The following CAV1 variants were observed in gnomAD, a reference collection of about 807,000 sequenced individuals.
CAV1 encodes the protein caveolin 1.
In CAV1, 10 loss-of-function variants were observed where a neutral mutation model predicts 16.5. That is an observed-to-expected ratio of 0.61 (90% CI 0.37 to 1.03). The LOEUF (loss-of-function observed/expected upper bound fraction) is 1.03. CAV1 is among the 50% of genes least tolerant of loss of function. CAV1 has a pLI of 0.01. For missense variants in CAV1, 212 were observed against 232.8 expected (o/e 0.91, Z 0.58); for synonymous variants, 76 against 85.1 (o/e 0.89, Z 0.59).
intron 2 of CAV1, among the ~76,000 whole-genome samples, chr7:116,529,954 A>G (rs573016927): frequency 6.6e-6 from 1 of 152,004 alleles, no homozygotes; most frequent in Non-Finnish European, 1.5e-5. Flanking sequence ...ACTTATTTTG[A>G]TTTTCTAGAT....
intron 2 of CAV1, among the ~76,000 whole-genome samples, chr7:116,548,749 T>C (rs1197776194): frequency 1.3e-5 from 2 of 152,124 alleles, no homozygotes; most frequent in Admixed American, 6.5e-5. Context: ...CAATCACTGA[T>C]TACAACCTCC....
chr7:116,525,025 G>A (rs369830110), upstream of CAV1: 56 of 1,613,854 alleles, frequency 3.5e-5, no homozygotes, highest in African/African-American at 6.1e-4. Flanking sequence ...ACAGCCCAGG[G>A]AAACCTCCTC....
intron 2 of CAV1, among the ~76,000 whole-genome samples, chr7:116,548,360 A>G (rs1238056559): frequency 6.6e-6 from 1 of 152,252 alleles, no homozygotes; most frequent in Non-Finnish European, 1.5e-5. Flanking sequence ...CTGGTAGCCA[A>G]TGGTCAGTCA....
chr7:116,529,745 A>T (rs1180572180), intron 2 of CAV1, among the ~76,000 whole-genome samples: 1 of 152,198 alleles, frequency 6.6e-6, no homozygotes, highest in Non-Finnish European at 1.5e-5. Flanking sequence ...TTAATTTCTC[A>T]TCTTACTAAA....
intron 2 of CAV1, among the ~76,000 whole-genome samples, chr7:116,551,427 G>A (rs1468731736): frequency 2.0e-5 from 3 of 152,126 alleles, no homozygotes; most frequent in African/African-American, 7.2e-5. Flanking sequence ...ATTCTGTTTG[G>A]TATGAATTCT....
intron 2 of CAV1, among the ~76,000 whole-genome samples, chr7:116,529,727 C>T (rs1025192157): frequency 2.6e-5 from 4 of 152,164 alleles, no homozygotes; most frequent in Non-Finnish European, 5.9e-5. Context: ...AATCCAGTTC[C>T]AATAAAATTA....
chr7:116,536,897 G>A (rs1793828379), intron 2 of CAV1, among the ~76,000 whole-genome samples: 2 of 151,484 alleles, frequency 1.3e-5, no homozygotes, highest in South Asian at 2.1e-4. Context: ...CAGCTACTCG[G>A]GAGGCTGAGG....
At chr7:116,542,991 A>G (rs1361363208) in intron 2 of CAV1, 1 of 152,198 alleles carries the variant, frequency 6.6e-6, no homozygotes, top group Non-Finnish European at 1.5e-5. Context: ...AAGAGACCTT[A>G]GGTTACTGAG....
intron 2 of CAV1, among the ~76,000 whole-genome samples, chr7:116,556,544 A>G (rs959077724): frequency 6.6e-6 from 1 of 152,156 alleles, no homozygotes. Context: ...CATTTTTTCT[A>G]TAAAGTGAGA....
intron 2 of CAV1, chr7:116,552,015 C>G (rs2109516): frequency 0.2 from 29,846 of 152,586 alleles, 3,443 homozygotes; most frequent in African/African-American, 0.31. Context: ...GAAAGGCAAG[C>G]AAGGTGAATG....
intron 2 of CAV1, among the ~76,000 whole-genome samples, chr7:116,536,609 G>T (rs1286876687): frequency 6.6e-6 from 1 of 152,194 alleles, no homozygotes; most frequent in African/African-American, 2.4e-5. Flanking sequence ...CAGAGCCAGG[G>T]ATACTAGCAG....
At chr7:116,555,542 GAGAA>G (rs1225761657) in intron 2 of CAV1, among the ~76,000 whole-genome samples, 209 of 12,130 alleles carry the variant, frequency 0.017, 19 homozygotes, top group Non-Finnish European at 0.023. Context: ...GAGAGAGAGA[GAGAA>G]AGAAAGAAAG....
chr7:116,526,555 C>G lies in CAV1; in HGVS notation c.61C>G (p.Gln21Glu), dbSNP rs1219124459. 5.0e-6 allele frequency: 8 copies of G among 1,614,046 alleles called. No individual in the cohort carries two copies. The highest frequency in any genetic ancestry group is 2.7e-5 in the African/African-American group (2 of 74,934). ...TCTCTACACCGTTCCCATCCGGGAA[C>G]AGGGCAACATCTACAAGCCCAACAA... ...GHLYTVPIRE[Q>E]GNIYKPNNKA... Residue 21 changes from glutamine to glutamate, a missense_variant, in exon 2 of 3, where the codon CAG (glutamine) becomes GAG (glutamate). Physicochemically the swap from Gln to Glu is conservative, Grantham distance 29. Coordinates refer to ENST00000341049, the MANE Select transcript of CAV1 (RefSeq NM_001753.5).
chr7:116,541,034 G>C (rs757672542), intron 2 of CAV1, among the ~76,000 whole-genome samples: 10 of 152,264 alleles, frequency 6.6e-5, no homozygotes, highest in Non-Finnish European at 1.5e-4. Context: ...CTCAAACTAG[G>C]TCTGTCAATT....
At chr7:116,537,187 C>G (rs1010411260) in intron 2 of CAV1, among the ~76,000 whole-genome samples, 3 of 152,140 alleles carry the variant, frequency 2.0e-5, no homozygotes, top group Non-Finnish European at 4.4e-5. Flanking sequence ...ATTTAAATAA[C>G]TTCTGAGGGT....
chr7:116,534,374 TATATATATATATA>T (rs1562829859), intron 2 of CAV1, among the ~76,000 whole-genome samples: 1 of 14,890 alleles, frequency 6.7e-5, no homozygotes, highest in South Asian at 4.9e-3. Flanking sequence ...TATATATATA[TATATATATATATA>T]TATATATATT....
At chr7:116,547,925 T>C (rs2052105) in intron 2 of CAV1, among the ~76,000 whole-genome samples, 11,041 of 152,268 alleles carry the variant, frequency 0.073, 657 homozygotes, top group East Asian at 0.21. Flanking sequence ...ATAACCCTGA[T>C]GAGCAGAGAT....
chr7:116,543,459 G>A (rs892663549), intron 2 of CAV1, among the ~76,000 whole-genome samples: 2 of 152,204 alleles, frequency 1.3e-5, no homozygotes, highest in Admixed American at 6.5e-5. Context: ...TACTGAAGAA[G>A]ATCAAGAGTT....
intron 2 of CAV1, among the ~76,000 whole-genome samples, chr7:116,555,483 GAAAAGAAAGAAAGAAAGAAAGAAA>G (rs1794246758): frequency 1.1e-3 from 17 of 15,384 alleles, no homozygotes; most frequent in South Asian, 5.8e-3. Flanking sequence ...AAGGAGGAAA[GAAAAGAAAGAAAGAAAGAAAGAAA>G]GAAAGAAAGA....
Sources: allele counts gnomAD v4.1 joint callset (sites outside exome capture counted in the v4.1 genomes callset), GRCh38; gene constraint gnomAD v4.1.1; transcripts MANE v1.5; gene names NCBI Gene and HGNC (gene_info 2026-07-23, HGNC 2026-07-21).